Variants in SEMA3A observed in about 807,000 individuals in gnomAD.
The protein encoded by SEMA3A is semaphorin 3A.
A neutral mutation model predicts 97.9 loss-of-function variants in SEMA3A; 29 were observed. The observed-to-expected ratio is 0.30, with a 90% CI of 0.22 to 0.40. SEMA3A has a LOEUF of 0.40. SEMA3A is among the 10% of genes least tolerant of loss of function. The probability of loss-of-function intolerance (pLI) is 1.00; values close to 1 mark genes in which losing one functional copy is unlikely to be tolerated. For synonymous variants in SEMA3A, 321 were observed against 323.7 expected, an observed-to-expected ratio of 0.99 and a Z score of 0.09; for missense variants, 763 against 951.3, an observed-to-expected ratio of 0.80 and a Z score of 2.60.
intron 5 of SEMA3A, among the ~76,000 whole-genome samples, chr7:84,053,467 T>C (rs1417269075): frequency 9.0e-6 from 1 of 111,448 alleles, no homozygotes; most frequent in African/African-American, 2.9e-5. Flanking sequence ...CATTATGTAA[T>C]GGCCTTCTTT....
At chr7:84,399,183 T>C (rs868600826) in intron 1 of SEMA3A, among the ~76,000 whole-genome samples, 1 of 152,126 alleles carries the variant, frequency 6.6e-6, no homozygotes, top group Non-Finnish European at 1.5e-5. Flanking sequence ...CCTGTCACTA[T>C]GCAACACAAC....
At chr7:84,298,785 G>A (rs1307603880) in intron 3 of SEMA3A, among the ~76,000 whole-genome samples, 1 of 152,174 alleles carries the variant, frequency 6.6e-6, no homozygotes, top group Non-Finnish European at 1.5e-5. Flanking sequence ...TTCTGTGAGG[G>A]TGTTGCCAAA....
At chr7:84,235,701 C>T (rs1425469328) in intron 3 of SEMA3A, among the ~76,000 whole-genome samples, 1 of 152,060 alleles carries the variant, frequency 6.6e-6, no homozygotes, top group East Asian at 1.9e-4. Flanking sequence ...AAGTGGTTCT[C>T]ATAAAGACCA....
chr7:84,244,518 C>T (rs993142378), intron 3 of SEMA3A, among the ~76,000 whole-genome samples: 5 of 152,180 alleles, frequency 3.3e-5, no homozygotes, highest in Middle Eastern at 3.4e-3. Flanking sequence ...ATAGAGCACA[C>T]GGATGGGACT....
chr7:84,167,663 A>G (rs941809883), intron 1 of SEMA3A, among the ~76,000 whole-genome samples: 1 of 152,196 alleles, frequency 6.6e-6, no homozygotes, highest in Non-Finnish European at 1.5e-5. Flanking sequence ...AAAATAAGAC[A>G]AAGGGAAATG....
chr7:84,259,839 A>G (rs947750015), intron 3 of SEMA3A, among the ~76,000 whole-genome samples: 4 of 150,526 alleles, frequency 2.7e-5, no homozygotes, highest in African/African-American at 9.9e-5. Flanking sequence ...AAAAGAAAGG[A>G]AAAAAAAGAG....
intron 3 of SEMA3A, among the ~76,000 whole-genome samples, chr7:84,250,022 T>A (rs1408838686): frequency 1.3e-5 from 2 of 151,996 alleles, no homozygotes; most frequent in Non-Finnish European, 2.9e-5. Flanking sequence ...ACAAGCCTGA[T>A]TTCTTTCCTC....
intron 1 of SEMA3A, among the ~76,000 whole-genome samples, chr7:84,421,346 C>T (rs1804586576): frequency 1.3e-5 from 2 of 152,098 alleles, no homozygotes; most frequent in South Asian, 4.1e-4. Context: ...TTTGCCATCA[C>T]TAGATGTGTT....
At chr7:84,221,730 A>G (rs1798887148) in intron 3 of SEMA3A, among the ~76,000 whole-genome samples, 2 of 152,064 alleles carry the variant, frequency 1.3e-5, no homozygotes, top group Admixed American at 1.3e-4. Flanking sequence ...TCTGTCTTAC[A>G]TAGGCATAGT....
intron 3 of SEMA3A, among the ~76,000 whole-genome samples, chr7:84,272,524 T>G (rs1037828637): frequency 6.6e-6 from 1 of 152,084 alleles, no homozygotes; most frequent in African/African-American, 2.4e-5. Flanking sequence ...AGGAACCTAG[T>G]TCTGAGGAAC....
intron 2 of SEMA3A, among the ~76,000 whole-genome samples, chr7:84,339,480 A>G (rs1051800130): frequency 5.9e-5 from 9 of 152,182 alleles, no homozygotes; most frequent in African/African-American, 1.9e-4. Context: ...GTTGGAAGCT[A>G]TATCAGGAAC....
intron 2 of SEMA3A, among the ~76,000 whole-genome samples, chr7:84,315,216 G>A (rs558893974): frequency 5.9e-5 from 9 of 152,110 alleles, no homozygotes; most frequent in African/African-American, 9.6e-5. Flanking sequence ...GGTATGATAC[G>A]AAATAGCAGA....
intron 3 of SEMA3A, among the ~76,000 whole-genome samples, chr7:84,245,059 A>T (rs992330399): frequency 2.0e-5 from 3 of 151,914 alleles, no homozygotes; most frequent in Non-Finnish European, 4.4e-5. Flanking sequence ...TCTGACGATT[A>T]TGTGTCTTGA....
At chr7:84,491,148 C>T (rs1198033261) in intron 1 of SEMA3A, among the ~76,000 whole-genome samples, 1 of 152,036 alleles carries the variant, frequency 6.6e-6, no homozygotes, top group Non-Finnish European at 1.5e-5. Flanking sequence ...ACCGTCATGG[C>T]TTTTAAATCA....
intron 2 of SEMA3A, among the ~76,000 whole-genome samples, chr7:84,312,875 TA>T (rs1801365126): frequency 2.3e-4 from 3 of 12,844 alleles, no homozygotes; most frequent in African/African-American, 8.3e-4. Flanking sequence ...TGTTGTTTTA[TA>T]TATATATATA....
rs80251816 is a variant in SEMA3A, at chr7:84,170,451, C to T, written c.112+24024G>A. The stretch of plus-strand genomic sequence containing the variant: ...TAATAACTCTACACTTTAACAAATA[C>T]TTTATTTGGTTTATTTAGAAAATCC... On this transcript the variant is annotated intron_variant, in intron 1 of 16. Coordinates refer to ENST00000265362, the MANE Select transcript of SEMA3A (RefSeq NM_006080.3). 9.5e-3 allele frequency among the ~76,000 whole-genome samples: 1,443 copies of T among 151,934 alleles called. 27 individuals are homozygous for T. The highest frequency in any genetic ancestry group is 0.033 in the African/African-American group (1,357 of 41,492).
intron 1 of SEMA3A, among the ~76,000 whole-genome samples, chr7:84,410,351 T>C (rs1173925634): frequency 6.6e-6 from 1 of 152,124 alleles, no homozygotes; most frequent in Admixed American, 6.6e-5. Context: ...ATTTTCAAGA[T>C]AAAAGACATT....
At chr7:84,149,450 T>C (rs991914426) in intron 1 of SEMA3A, among the ~76,000 whole-genome samples, 2 of 152,176 alleles carry the variant, frequency 1.3e-5, no homozygotes, top group African/African-American at 4.8e-5. Context: ...TCCAGCTTGT[T>C]TGTTGAAAAT....
chr7:84,369,520 T>C (rs1055113923), intron 2 of SEMA3A, among the ~76,000 whole-genome samples: 3 of 151,180 alleles, frequency 2.0e-5, no homozygotes, highest in African/African-American at 7.3e-5. Flanking sequence ...AAGAATCTAG[T>C]CTTCAGATGA....
Sources: gnomAD v4.1 joint callset for allele counts (sites outside exome capture counted in the v4.1 genomes callset) on GRCh38, gnomAD v4.1.1 for gene constraint, MANE v1.5 for transcripts, NCBI Gene and HGNC (gene_info 2026-07-23, HGNC 2026-07-21) for gene names.